The following TPRG1 variants were observed in gnomAD, a reference collection of about 807,000 sequenced individuals.
The protein encoded by TPRG1 is tumor protein p63 regulated 1.
In TPRG1, 29 loss-of-function variants were observed where a neutral mutation model predicts 29.3. The observed-to-expected ratio is 0.99, with a 90% CI of 0.74 to 1.35. The LOEUF is 1.35. TPRG1 is among the 40% of genes most tolerant of loss of function. TPRG1 has a pLI of 0.00. For synonymous variants in TPRG1, 130 were observed against 116.8 expected, an observed-to-expected ratio of 1.11 and a Z score of -0.73; for missense variants, 327 against 335.0, an observed-to-expected ratio of 0.98 and a Z score of 0.19.
intron 2 of TPRG1, among the ~76,000 whole-genome samples, chr3:189,129,048 G>A (rs920683031): frequency 2.6e-5 from 4 of 152,116 alleles, no homozygotes; most frequent in Non-Finnish European, 2.9e-5. Context: ...TTATCTACCC[G>A]TGGAACAATG....
At chr3:189,244,402 G>A (rs898117212) in intron 4 of TPRG1, among the ~76,000 whole-genome samples, 2 of 152,072 alleles carry the variant, frequency 1.3e-5, no homozygotes, top group Non-Finnish European at 2.9e-5. Flanking sequence ...CTGGGTGACA[G>A]AGATGAGACT....
intron 3 of TPRG1, among the ~76,000 whole-genome samples, chr3:189,016,666 T>C (rs1712950683): frequency 6.6e-6 from 1 of 152,074 alleles, no homozygotes; most frequent in Non-Finnish European, 1.5e-5. Context: ...GGTGGACTCC[T>C]ATCTTGCTAT....
intron 1 of TPRG1, among the ~76,000 whole-genome samples, chr3:189,193,678 G>C (rs1447654644): frequency 1.3e-5 from 2 of 148,656 alleles, no homozygotes; most frequent in African/African-American, 2.5e-5. Flanking sequence ...AGATTCTTCT[G>C]CTAGATCAAG....
chr3:189,266,199 A>G (rs1302923049), intron 4 of TPRG1, among the ~76,000 whole-genome samples: 2 of 152,214 alleles, frequency 1.3e-5, no homozygotes, highest in African/African-American at 4.8e-5. Flanking sequence ...ATGAGAACAC[A>G]TGAGAAGTGC....
chr3:189,113,474 TC>T (rs1249253669), intron 1 of TPRG1, among the ~76,000 whole-genome samples: 5 of 152,114 alleles, frequency 3.3e-5, no homozygotes, highest in South Asian at 2.1e-4. Context: ...AGGGAATGCT[TC>T]CAGTTTTTGC....
At chr3:189,310,300 A>G (rs1722277041) in intron 4 of TPRG1, 86 bp from the exon 5 acceptor site, 35 of 1,210,952 alleles carry the variant, frequency 2.9e-5, no homozygotes, top group South Asian at 1.1e-4. Flanking sequence ...GGGAGTTAAT[A>G]TGAAGGCTGA....
At chr3:189,052,684 C>G (rs1217137285) in intron 4 of TPRG1, among the ~76,000 whole-genome samples, 1 of 152,098 alleles carries the variant, frequency 6.6e-6, no homozygotes, top group Non-Finnish European at 1.5e-5. Flanking sequence ...AATTGTGGAA[C>G]CAACCCAAAT....
At chr3:189,140,368 C>T (rs1288687158) in intron 3 of TPRG1, among the ~76,000 whole-genome samples, 1 of 152,136 alleles carries the variant, frequency 6.6e-6, no homozygotes. Flanking sequence ...GCCTCAGTTA[C>T]TTCATCTGTA....
upstream of TPRG1, among the ~76,000 whole-genome samples, chr3:189,098,217 A>C (rs530723276): frequency 1.3e-5 from 2 of 152,268 alleles, no homozygotes; most frequent in East Asian, 3.9e-4. Context: ...GAAGATAAAA[A>C]ATATGAGAAT....
intron 4 of TPRG1, among the ~76,000 whole-genome samples, chr3:189,298,346 G>C (rs1211084355): frequency 6.6e-6 from 1 of 152,186 alleles, no homozygotes; most frequent in Non-Finnish European, 1.5e-5. Context: ...TTCTGTTAAA[G>C]AAATGCTTTA....
intron 4 of TPRG1, among the ~76,000 whole-genome samples, chr3:189,037,739 G>A (rs1337222496): frequency 1.3e-5 from 2 of 151,692 alleles, no homozygotes; most frequent in Non-Finnish European, 3.0e-5. Flanking sequence ...TATACAACTA[G>A]TAAGAGTATT....
chr3:189,038,421 G>A (rs1282871930), intron 4 of TPRG1, among the ~76,000 whole-genome samples: 3 of 152,030 alleles, frequency 2.0e-5, no homozygotes, highest in African/African-American at 7.2e-5. Context: ...CTTTTTAAAA[G>A]CATATAGTAT....
intron 3 of TPRG1, among the ~76,000 whole-genome samples, chr3:189,221,083 A>C (rs903728793): frequency 6.6e-6 from 1 of 152,232 alleles, no homozygotes; most frequent in Non-Finnish European, 1.5e-5. Context: ...CTGAATATCC[A>C]AGTAAGAAAT....
chr3:189,322,522 G>A lies in TPRG1; in HGVS notation c.*1702G>A, dbSNP rs1724408811. On this transcript the variant is annotated 3_prime_UTR_variant, in exon 6 of 6. Coordinates refer to ENST00000345063, the MANE Select transcript of TPRG1 (RefSeq NM_198485.4). ...GAAATCCATAGCTGTCCTGTCAACA[G>A]TAGTGGAATGAAAAGTCGTTGGATT... 1 of 152,516 alleles carries A rather than the reference G, an allele frequency of 6.6e-6. No homozygotes were observed. 9.4% of individuals were successfully genotyped at this position (152,516 alleles called of 1,614,324 possible). A position where few individuals can be genotyped will look rare whatever the true frequency, so the allele number is the denominator to read the frequency against.
At chr3:189,190,561 ATTATT>A (rs1439072064) in intron 1 of TPRG1, among the ~76,000 whole-genome samples, 5 of 152,184 alleles carry the variant, frequency 3.3e-5, no homozygotes, top group Non-Finnish European at 7.3e-5. Context: ...CTGCACAGAA[ATTATT>A]TTATTTTATT....
chr3:189,084,053 A>G (rs1717775472), intron 4 of TPRG1, among the ~76,000 whole-genome samples: 1 of 152,076 alleles, frequency 6.6e-6, no homozygotes. Context: ...TGGGAGGCTG[A>G]GGCAGAAGAA....
At chr3:189,210,328 A>G (rs1372916695) in intron 2 of TPRG1, among the ~76,000 whole-genome samples, 3 of 152,158 alleles carry the variant, frequency 2.0e-5, no homozygotes, top group African/African-American at 4.8e-5. Context: ...TTGACTTTAC[A>G]TCCATTTTTC....
rs969496247 is a variant in TPRG1 at position 189,238,969 on chromosome 3, C to G, written c.479+60C>G. On this transcript the variant is annotated intron_variant, in intron 4 of 5. Transcript: ENST00000345063. The stretch of plus-strand genomic sequence containing the variant: ...AGCAGGGATGGACCTGCAGGGAAAA[C>G]AAGCCGAAAATTCAGTTTGGCCCTG... 43 of 1,452,422 alleles carry G rather than the reference C, an allele frequency of 3.0e-5. No individual in the cohort carries two copies. The Admixed American group carries it at 9.7e-4, about 33-fold the overall frequency. The allele number at this position is 1,452,422 out of a possible 1,614,324, so 90.0% of individuals were successfully genotyped here.
chr3:189,276,614 G>T (rs1332917227), intron 4 of TPRG1, among the ~76,000 whole-genome samples: 1 of 152,152 alleles, frequency 6.6e-6, no homozygotes, highest in Non-Finnish European at 1.5e-5. Context: ...AAGTACTGAT[G>T]TCTAAGGGAT....
Sources: gnomAD v4.1 joint callset for allele counts (sites outside exome capture counted in the v4.1 genomes callset) on GRCh38, gnomAD v4.1.1 for gene constraint, MANE v1.5 for transcripts, NCBI Gene and HGNC (gene_info 2026-07-23, HGNC 2026-07-21) for gene names.